The following GRIK4 variants were observed in gnomAD, a reference collection of about 807,000 sequenced individuals.
GRIK4 encodes glutamate receptor ionotropic, kainate 4.
GRIK4 carries 40 observed loss-of-function variants against 104.9 expected under a neutral mutation model. That is an observed-to-expected ratio of 0.38 (90% CI 0.30 to 0.50). The LOEUF is 0.50. Among genes scored for constraint, GRIK4 ranks in the 20% least tolerant of loss-of-function variants. The probability of loss-of-function intolerance (pLI) is 0.93; values close to 1 mark genes in which losing one functional copy is unlikely to be tolerated. For missense variants in GRIK4, 1,047 were observed against 1,308.1 expected (o/e 0.80, Z 3.08); for synonymous variants, 485 against 524.9 (o/e 0.92, Z 1.04).
intron 3 of GRIK4, among the ~76,000 whole-genome samples, chr11:120,716,784 T>C (rs1208475690): frequency 6.6e-6 from 1 of 151,992 alleles, no homozygotes; most frequent in Non-Finnish European, 1.5e-5. Flanking sequence ...CTCCCTGAAG[T>C]TTCCAGGAGA....
Position 120,952,555 on chromosome 11 carries a change from T to A in GRIK4, c.1591-300T>A, listed in dbSNP as rs1944026687. Reference sequence around the variant, plus strand: ...ACCCCCGATGGAGGACACAGGGTGGTACTTCGGGGCACTGAGGGTTGTTCC... The same window carrying A: ...ACCCCCGATGGAGGACACAGGGTGGAACTTCGGGGCACTGAGGGTTGTTCC... On this transcript the variant is annotated intron_variant, in intron 14 of 20. Coordinates refer to ENST00000527524, the MANE Select transcript of GRIK4 (RefSeq NM_014619.5). The surrounding 1 kb of genome is among the most constrained non-coding windows in gnomAD (Gnocchi z 5.2). 6.6e-6 allele frequency among the ~76,000 whole-genome samples: 1 copy of A among 152,126 alleles called. No homozygotes were observed. Among genetic ancestry groups the A allele is most frequent in the South Asian group, 2.1e-4 (1 of 4,814 alleles).
chr11:120,763,056 T>C (rs1379318719), intron 3 of GRIK4, among the ~76,000 whole-genome samples: 1 of 152,192 alleles, frequency 6.6e-6, no homozygotes, highest in African/African-American at 2.4e-5. Context: ...AGAATTCAGC[T>C]GTGAATCTGT....
chr11:120,751,438 AAAAT>A (rs1591866461), intron 3 of GRIK4, among the ~76,000 whole-genome samples: 1 of 152,212 alleles, frequency 6.6e-6, no homozygotes, highest in African/African-American at 2.4e-5. Flanking sequence ...TTTATGAAAT[AAAAT>A]AAATAAAATA....
chr11:120,784,854 C>T (rs1433627034), intron 3 of GRIK4, among the ~76,000 whole-genome samples: 1 of 152,110 alleles, frequency 6.6e-6, no homozygotes, highest in Admixed American at 6.5e-5. Context: ...GGGGACAGAA[C>T]TACTTCATGT....
chr11:120,923,053 A>G (rs2134574577), intron 13 of GRIK4, among the ~76,000 whole-genome samples: 1 of 152,308 alleles, frequency 6.6e-6, no homozygotes, highest in Non-Finnish European at 1.5e-5. Context: ...CTAGGTGGCG[A>G]CAGAACAGTG....
chr11:120,704,919 C>T (rs761563731), intron 3 of GRIK4, among the ~76,000 whole-genome samples: 7 of 152,156 alleles, frequency 4.6e-5, no homozygotes, highest in Non-Finnish European at 1.0e-4. Context: ...ATGTGGTTTT[C>T]CAGTTGTCCC....
At chr11:120,815,184 T>C (rs1952917012) in intron 4 of GRIK4, among the ~76,000 whole-genome samples, 194 bp from the exon 5 acceptor site, 1 of 152,220 alleles carries the variant, frequency 6.6e-6, no homozygotes, top group South Asian at 2.1e-4. Flanking sequence ...TAAACTCCAA[T>C]AAAACTGTCC....
intron 19 of GRIK4, among the ~76,000 whole-genome samples, chr11:120,970,629 G>GC (rs1944459422): frequency 6.6e-6 from 1 of 151,930 alleles, no homozygotes; most frequent in South Asian, 2.1e-4. Flanking sequence ...GCAGAGGGCA[G>GC]CCCCATTGGC....
chr11:120,605,943 T>A (rs187850290), intron 1 of GRIK4, among the ~76,000 whole-genome samples: 86 of 152,300 alleles, frequency 5.6e-4, no homozygotes, highest in African/African-American at 1.9e-3. Context: ...GGAGAGGGTG[T>A]ACCTGGGGTC....
intron 13 of GRIK4, among the ~76,000 whole-genome samples, chr11:120,927,838 T>C (rs1355704158): frequency 6.6e-6 from 1 of 152,096 alleles, no homozygotes; most frequent in African/African-American, 2.4e-5. Flanking sequence ...TGAATTTCTA[T>C]GTAGTCATTT....
At chr11:120,861,062 G>A (rs1591999452) in intron 8 of GRIK4, among the ~76,000 whole-genome samples, 1 of 145,356 alleles carries the variant, frequency 6.9e-6, no homozygotes, top group East Asian at 2.0e-4. Context: ...TCGGATTCAG[G>A]TAGTGTTAGG....
At chr11:120,536,097 T>G (rs1475786304) in intron 1 of GRIK4, among the ~76,000 whole-genome samples, 1 of 152,216 alleles carries the variant, frequency 6.6e-6, no homozygotes, top group Non-Finnish European at 1.5e-5. Context: ...TGTGTAGCAC[T>G]AAGAAGGTGA....
In GRIK4 at chr11:120,940,187, A is replaced by C. The variant is rs914023241; in HGVS notation, c.1477-160A>C. On this transcript the variant is annotated intron_variant, in intron 13 of 20. Coordinates refer to ENST00000527524, the MANE Select transcript of GRIK4 (RefSeq NM_014619.5). The surrounding 1 kb of genome is among the most constrained non-coding windows in gnomAD (Gnocchi z 4.3). ...CAATATCCATGTACTTTTATGAGTG[A>C]TCATTCAGATCTGTATGCAGTGTTG... Among the ~76,000 whole-genome samples, 8 of 152,204 alleles carry C rather than the reference A, an allele frequency of 5.3e-5. No individual in the cohort carries two copies. The highest frequency in any genetic ancestry group is 1.0e-4 in the Non-Finnish European group (7 of 68,042).
intron 1 of GRIK4, among the ~76,000 whole-genome samples, chr11:120,578,753 C>T (rs988945095): frequency 6.6e-6 from 1 of 152,232 alleles, no homozygotes; most frequent in African/African-American, 2.4e-5. Context: ...GTGGTCTCCC[C>T]TCCCGGCGAA....
chr11:120,794,345 G>A (rs1952468200), intron 3 of GRIK4, among the ~76,000 whole-genome samples: 1 of 151,984 alleles, frequency 6.6e-6, no homozygotes, highest in Non-Finnish European at 1.5e-5. Flanking sequence ...TGGTTTTGAG[G>A]GTAAGGGTGG....
chr11:120,651,390 A>T (rs1799250969), intron 1 of GRIK4, among the ~76,000 whole-genome samples: 2 of 152,212 alleles, frequency 1.3e-5, no homozygotes, highest in Non-Finnish European at 2.9e-5. Context: ...GGGATGTCTT[A>T]TCATGTCTCT....
intron 3 of GRIK4, among the ~76,000 whole-genome samples, chr11:120,751,437 T>C (rs1232028817): frequency 6.6e-6 from 1 of 152,084 alleles, no homozygotes; most frequent in Non-Finnish European, 1.5e-5. Context: ...CTTTATGAAA[T>C]AAAATAAATA....
At chr11:120,795,762 G>A (rs1391799392) in intron 3 of GRIK4, among the ~76,000 whole-genome samples, 1 of 152,148 alleles carries the variant, frequency 6.6e-6, no homozygotes, top group Non-Finnish European at 1.5e-5. Context: ...GGATTACTCT[G>A]GGTTTTTTTA....
chr11:120,762,558 G>A (rs914445376), intron 3 of GRIK4, among the ~76,000 whole-genome samples: 1 of 152,082 alleles, frequency 6.6e-6, no homozygotes, highest in East Asian at 1.9e-4. Context: ...TGCCCATTCA[G>A]ATATTGGCTG....
Sources: gnomAD v4.1 joint callset for allele counts (sites outside exome capture counted in the v4.1 genomes callset) on GRCh38, gnomAD v4.1.1 for gene constraint, Gnocchi (gnomAD v3.1) non-coding constraint, MANE v1.5 for transcripts, NCBI Gene and HGNC (gene_info 2026-07-23, HGNC 2026-07-21) for gene names.